Variants in PPP2R3C observed in about 807,000 individuals in gnomAD.
PPP2R3C encodes the protein serine/threonine-protein phosphatase 2A regulatory subunit B'' subunit gamma.
PPP2R3C carries 47 observed loss-of-function variants against 63.7 expected under a neutral mutation model. The observed-to-expected ratio is 0.74, with a 90% CI of 0.58 to 0.94. The LOEUF (loss-of-function observed/expected upper bound fraction) is 0.94, where lower values mean the gene tolerates loss of function less well. PPP2R3C is among the 40% of genes least tolerant of loss of function. The pLI is 0.00. For missense variants in PPP2R3C, 421 were observed against 518.4 expected (o/e 0.81, Z 1.82); for synonymous variants, 180 against 177.4 (o/e 1.01, Z -0.12).
intron 6 of PPP2R3C, chr14:35,100,589 T>C (rs2415259): frequency 0.82 from 125,060 of 152,170 alleles, 51,755 homozygotes; most frequent in Non-Finnish European, 0.87. Flanking sequence ...CAAGCTAGAA[T>C]TACGTGCTCA....
chr14:35,098,784 G>A (rs1240713962), intron 7 of PPP2R3C: 1 of 153,712 alleles, frequency 6.5e-6, no homozygotes, highest in African/African-American at 2.4e-5. Flanking sequence ...TGTTAATGAG[G>A]CCATATTTAC....
chr14:35,108,978 C>T (rs1013677981), intron 4 of PPP2R3C, among the ~76,000 whole-genome samples: 2 of 151,718 alleles, frequency 1.3e-5, no homozygotes, highest in Non-Finnish European at 2.9e-5. Flanking sequence ...GAGATGGGCA[C>T]GTGAGCCACA....
chr14:35,099,430 A>AT (rs762918337), intron 6 of PPP2R3C, 46 bp from the exon 7 acceptor site: 67 of 1,549,280 alleles, frequency 4.3e-5, no homozygotes, highest in Non-Finnish European at 5.6e-5. Context: ...GTCTTGATTC[A>AT]TTAGATATTA....
At chr14:35,101,258 A>C (rs2046181468) in intron 6 of PPP2R3C, 1 of 152,312 alleles carries the variant, frequency 6.6e-6, no homozygotes, top group South Asian at 2.1e-4. Flanking sequence ...TACAGGCGTG[A>C]GCCACCATGC....
rs779378494 is a variant in PPP2R3C at position 35,096,796 on chromosome 14, CATTTT to C, written c.707-37_707-33del. 24 of 1,526,270 alleles carry C rather than the reference CATTTT, an allele frequency of 1.6e-5. No individual in the cohort carries two copies. The African/African-American group carries it at 3.1e-4, about 20-fold the overall frequency. The allele number at this position is 1,526,270 out of a possible 1,614,324, so 94.5% of individuals were successfully genotyped here. Reference sequence around the variant, plus strand: ...GAACATAAAGAAACACAATTAATTTCATTTTAAGAAAAGAGCAACTCAATTAATTA... The same window carrying C: ...GAACATAAAGAAACACAATTAATTTCAAGAAAAGAGCAACTCAATTAATTA... On this transcript the variant is annotated intron_variant, in intron 7 of 12. Transcript: ENST00000261475.
intron 6 of PPP2R3C, chr14:35,102,387 C>T (rs2046227057): frequency 6.6e-6 from 1 of 152,166 alleles, no homozygotes; most frequent in South Asian, 2.1e-4. Flanking sequence ...TATCAAATTT[C>T]TGGTAGATCT....
rs547860661 is a variant in PPP2R3C, at chr14:35,111,802, T to A, written c.187-1173A>T. ...CAAGGACCAGGACTGTTTTTCTATA[T>A]CCCTGTGATTCCATCCCCAACCAAT... On this transcript the variant is annotated intron_variant, in intron 2 of 12. Coordinates refer to ENST00000261475, the MANE Select transcript of PPP2R3C (RefSeq NM_017917.4). Among the ~76,000 whole-genome samples, 73 of 152,204 alleles carry A rather than the reference T, an allele frequency of 4.8e-4. 1 individual carries two copies. Among genetic ancestry groups the A allele is most frequent in the Admixed American group, 1.8e-3 (27 of 15,258 alleles).
intron 1 of PPP2R3C, among the ~76,000 whole-genome samples, chr14:35,119,700 T>C (rs2046808098): frequency 6.6e-6 from 1 of 151,928 alleles, no homozygotes; most frequent in African/African-American, 2.4e-5. Context: ...ACAGCACGTT[T>C]GTGCTGGTGT....
intron 6 of PPP2R3C, among the ~76,000 whole-genome samples, chr14:35,106,852 A>G (rs2046380003): frequency 6.6e-6 from 1 of 150,612 alleles, no homozygotes; most frequent in African/African-American, 2.4e-5. Context: ...TTTTTAGTAG[A>G]GATAGGGTTT....
chr14:35,105,555 A>G (rs934028184), intron 6 of PPP2R3C, among the ~76,000 whole-genome samples: 1 of 152,072 alleles, frequency 6.6e-6, no homozygotes, highest in Non-Finnish European at 1.5e-5. Context: ...TACATTAAAC[A>G]TTTGTTTAGT....
At chr14:35,110,461 A>G (rs2046515575) in intron 3 of PPP2R3C, 64 bp downstream of exon 3, 1 of 1,122,794 alleles carries the variant, frequency 8.9e-7, no homozygotes, top group South Asian at 1.4e-5. Context: ...GAAATCCTGC[A>G]TGATTTAAGT....
At chr14:35,104,926 G>A (rs1595105474) in intron 6 of PPP2R3C, among the ~76,000 whole-genome samples, 1 of 151,776 alleles carries the variant, frequency 6.6e-6, no homozygotes, top group South Asian at 2.1e-4. Flanking sequence ...TAGAGACAGG[G>A]TTTCACCATG....
chr14:35,116,744 A>C lies in PPP2R3C; in HGVS notation c.59-7T>G, dbSNP rs2046721798. ...TCTTGTTCACTTTTTTTTTCTGGTAACAAAACAGATTAAGGGGAGCACTTT... is the reference window on the plus strand; with the variant it reads ...TCTTGTTCACTTTTTTTTTCTGGTACCAAAACAGATTAAGGGGAGCACTTT... On this transcript the variant is annotated splice_polypyrimidine_tract_variant and splice_region_variant and intron_variant, in intron 1 of 12. Transcript: ENST00000261475. The C allele has an allele frequency of 6.4e-7, 1 of 1,574,338 alleles. No homozygotes were observed.
rs1005757208 is a variant in PPP2R3C, at chr14:35,087,947, T to A, written c.1173+4A>T. 2 of 1,586,572 alleles carry A rather than the reference T, an allele frequency of 1.3e-6. No homozygotes were observed. Among genetic ancestry groups the A allele is most frequent in the Non-Finnish European group, 1.7e-6 (2 of 1,155,160 alleles). On this transcript the variant is annotated splice_donor_region_variant and intron_variant, in intron 12 of 12. Transcript: ENST00000261475. Reference sequence around the variant, plus strand: ...GTAATACGTAAATTAAAGGAAAAGATAACCTTGACATCTTGAAATGAAACA... The same window carrying A: ...GTAATACGTAAATTAAAGGAAAAGAAAACCTTGACATCTTGAAATGAAACA...
chr14:35,107,276 A>C, intron 6 of PPP2R3C, 28 bp downstream of exon 6: 1 of 1,522,358 alleles, frequency 6.6e-7, no homozygotes, highest in Non-Finnish European at 9.1e-7. Flanking sequence ...ATAAGAGTTA[A>C]TATAATATCT....
intron 6 of PPP2R3C, among the ~76,000 whole-genome samples, chr14:35,104,936 G>A (rs1566416700): frequency 6.6e-6 from 1 of 151,676 alleles, no homozygotes; most frequent in African/African-American, 2.4e-5. Flanking sequence ...GTTTCACCAT[G>A]TTGATCAGGC....
At chr14:35,122,251 C>T (rs1305521723), upstream of PPP2R3C, 8 of 425,936 alleles carry the variant, frequency 1.9e-5, no homozygotes, top group Non-Finnish European at 3.1e-5. Flanking sequence ...CACGATAAGC[C>T]CGCGTTTTCC....
intron 11 of PPP2R3C, among the ~76,000 whole-genome samples, chr14:35,089,900 T>C (rs1483686421): frequency 6.6e-6 from 1 of 151,566 alleles, no homozygotes; most frequent in Non-Finnish European, 1.5e-5. Flanking sequence ...CTCCTGACCT[T>C]GCGATCCGCC....
At chr14:35,116,539 G>A in intron 2 of PPP2R3C, 71 bp downstream of exon 2, 1 of 1,297,914 alleles carries the variant, frequency 7.7e-7, no homozygotes. Context: ...ACAGGTATGA[G>A]CCACCCTGCC....
Sources: allele counts gnomAD v4.1 joint callset (sites outside exome capture counted in the v4.1 genomes callset), GRCh38; gene constraint gnomAD v4.1.1; transcripts MANE v1.5; gene names NCBI Gene and HGNC (gene_info 2026-07-23, HGNC 2026-07-21).